The following EXOC5 variants were observed in gnomAD, a reference collection of about 807,000 sequenced individuals.
EXOC5 encodes exocyst complex component 5, also known as SEC10-like 1.
In EXOC5, 17 loss-of-function variants were observed where a neutral mutation model predicts 90.8. The ratio of observed to expected loss-of-function variants is 0.19; its 90% CI spans 0.13 to 0.28. The LOEUF (loss-of-function observed/expected upper bound fraction) is 0.28. Among genes scored for constraint, EXOC5 ranks in the 10% least tolerant of loss-of-function variants. EXOC5 has a pLI of 1.00. For synonymous variants in EXOC5, 260 were observed against 270.0 expected (o/e 0.96, Z 0.36); for missense variants, 569 against 830.6 (o/e 0.69, Z 3.87).
chr14:57,242,697 G>T (rs955315745), intron 4 of EXOC5, among the ~76,000 whole-genome samples: 17 of 152,090 alleles, frequency 1.1e-4, no homozygotes, highest in African/African-American at 3.9e-4. Context: ...CTTTCCATTG[G>T]GAAGGTGATT....
intron 1 of EXOC5, among the ~76,000 whole-genome samples, chr14:57,267,176 G>A (rs1884694893): frequency 1.3e-5 from 2 of 152,122 alleles, no homozygotes. Context: ...ATGTCTCCCC[G>A]TTCTTGTGTC....
rs754206463 is a variant in EXOC5 at position 57,219,395 on chromosome 14, C to T, written c.1453G>A (p.Val485Ile). The change falls in exon 14 of 18, where the codon GTT (valine) becomes ATT (isoleucine). Residue 485 changes from valine to isoleucine, a missense_variant. Coordinates refer to ENST00000621441, the MANE Select transcript of EXOC5 (RefSeq NM_006544.4). ...SRNANLYFLD[V>I]VQQANTIFHL... Reference sequence around the variant, plus strand: ...AAAATAGTATTGGCCTGTTGCACAACGTCCAAAAAATAAAGATTTGCATTC... The same window carrying T: ...AAAATAGTATTGGCCTGTTGCACAATGTCCAAAAAATAAAGATTTGCATTC... 1.8e-5 allele frequency: 28 copies of T among 1,562,270 alleles called. No homozygotes were observed. Among genetic ancestry groups the T allele is most frequent in the East Asian group, 9.2e-5 (4 of 43,550 alleles).
chr14:57,227,674 T>C (rs187527371), intron 12 of EXOC5, among the ~76,000 whole-genome samples: 290 of 152,324 alleles, frequency 1.9e-3, no homozygotes, highest in African/African-American at 5.8e-3. Flanking sequence ...CATTTCCCTA[T>C]TAGTGAGACT....
At chr14:57,218,277 A>G (rs1326461672) in intron 14 of EXOC5, among the ~76,000 whole-genome samples, 3 of 152,076 alleles carry the variant, frequency 2.0e-5, no homozygotes, top group Admixed American at 1.3e-4. Context: ...TAGACTAAAA[A>G]CAACCGATTA....
chr14:57,243,957 AG>A (rs1191746147), intron 4 of EXOC5, among the ~76,000 whole-genome samples: 1 of 152,236 alleles, frequency 6.6e-6, no homozygotes, highest in African/African-American at 2.4e-5. Flanking sequence ...AAAAAATGCC[AG>A]GAAACCCAAT....
Position 57,202,944 on chromosome 14 carries a change from A to G in EXOC5, c.*5665T>C, listed in dbSNP as rs1443078881. ...ACTGGAGAACTTAAGAGAGGCACTT[A>G]GGTATTATTCCTTATAAAATATTTT... On this transcript the variant is annotated 3_prime_UTR_variant, in exon 18 of 18. Transcript: ENST00000621441. 3 of 152,324 alleles carry G rather than the reference A, an allele frequency of 2.0e-5. No homozygotes were observed. The East Asian group carries it at 5.8e-4, about 29-fold the overall frequency. The allele number at this position is 152,324 out of a possible 1,614,324, so 9.4% of individuals were successfully genotyped here. A position where few individuals can be genotyped will look rare whatever the true frequency, so the allele number is the denominator to read the frequency against.
At chr14:57,238,373 TATACACACACAC>T (rs1357892202) in intron 5 of EXOC5, among the ~76,000 whole-genome samples, 7 of 79,914 alleles carry the variant, frequency 8.8e-5, no homozygotes, top group Non-Finnish European at 1.8e-4. Flanking sequence ...TATATATATA[TATACACACACAC>T]ACACACACAC....
intron 12 of EXOC5, among the ~76,000 whole-genome samples, chr14:57,227,537 A>C (rs1883346105): frequency 6.6e-6 from 1 of 152,160 alleles, no homozygotes; most frequent in African/African-American, 2.4e-5. Flanking sequence ...CTGCCAAATT[A>C]ATCCTCAAAA....
At chr14:57,224,336 C>T (rs1883239855) in intron 12 of EXOC5, among the ~76,000 whole-genome samples, 1 of 151,734 alleles carries the variant, frequency 6.6e-6, no homozygotes, top group South Asian at 2.1e-4. Flanking sequence ...AAATCTCTAG[C>T]CAGATTGATC....
intron 15 of EXOC5, among the ~76,000 whole-genome samples, chr14:57,212,562 G>A (rs1882861102): frequency 6.6e-6 from 1 of 152,192 alleles, no homozygotes; most frequent in Non-Finnish European, 1.5e-5. Context: ...CTTATCACCT[G>A]TATTGTCAGT....
intron 1 of EXOC5, among the ~76,000 whole-genome samples, chr14:57,259,331 T>C (rs368797606): frequency 6.6e-6 from 1 of 152,206 alleles, no homozygotes; most frequent in South Asian, 2.1e-4. Flanking sequence ...ACTGCTGGCC[T>C]CAAGTGATCT....
intron 1 of EXOC5, among the ~76,000 whole-genome samples, chr14:57,264,806 A>T (rs1324176406): frequency 6.6e-6 from 1 of 152,094 alleles, no homozygotes; most frequent in Non-Finnish European, 1.5e-5. Context: ...TCCTCTCAAC[A>T]CCTATGGCAC....
At chr14:57,236,288 T>A (rs1407359859) in intron 6 of EXOC5, among the ~76,000 whole-genome samples, 5 of 122,626 alleles carry the variant, frequency 4.1e-5, no homozygotes, top group South Asian at 2.3e-4. Context: ...TTTCATTTTC[T>A]TTTTTTTTTT....
chr14:57,247,731 C>T lies in EXOC5; in HGVS notation c.28-19G>A, dbSNP rs780710540. ...AAGGCTCCTAGTTTACAAAAAAATA[C>T]GCTTTAACAAAGTTTCATATACAAG... On this transcript the variant is annotated intron_variant, in intron 1 of 17. Coordinates refer to ENST00000621441, the MANE Select transcript of EXOC5 (RefSeq NM_006544.4). 1.9e-5 allele frequency: 26 copies of T among 1,363,484 alleles called. No homozygotes were observed. Among genetic ancestry groups the T allele is most frequent in the South Asian group, 7.1e-5 (5 of 70,186 alleles). The allele number at this position is 1,363,484 out of a possible 1,614,324, so 84.5% of individuals were successfully genotyped here.
At chr14:57,236,388 C>T (rs1198339253) in intron 6 of EXOC5, among the ~76,000 whole-genome samples, 1 of 150,498 alleles carries the variant, frequency 6.6e-6, no homozygotes, top group East Asian at 1.9e-4. Context: ...TGGGTTCAAG[C>T]GATTCTCCTG....
At chr14:57,233,082 T>G (rs75689312) in intron 9 of EXOC5, 163 of 173,162 alleles carry the variant, frequency 9.4e-4, no homozygotes, top group Non-Finnish European at 1.6e-3. Context: ...AGGCAGCATC[T>G]CCCAAACTGA....
At chr14:57,243,178 A>T (rs891396111) in intron 4 of EXOC5, 14 of 152,194 alleles carry the variant, frequency 9.2e-5, no homozygotes, top group Non-Finnish European at 1.9e-4. Context: ...GGTACACTAA[A>T]ATCTCAGAAT....
chr14:57,222,135 T>C (rs1385746945), intron 13 of EXOC5, among the ~76,000 whole-genome samples, 173 bp downstream of exon 13: 1 of 152,084 alleles, frequency 6.6e-6, no homozygotes. Flanking sequence ...GAGAGAACCA[T>C]TCAGTATAGC....
Position 57,205,443 on chromosome 14 carries a change from G to A in EXOC5, c.*3166C>T, listed in dbSNP as rs1414153125. The stretch of plus-strand genomic sequence containing the variant: ...TAAAAAAAGTTAATCTCCCAGATGT[G>A]AGCTTTGTTAGTCACCAACAAATTA... On this transcript the variant is annotated 3_prime_UTR_variant, in exon 18 of 18. Transcript: ENST00000621441. 6.4e-6 allele frequency: 1 copy of A among 157,218 alleles called. No individual in the cohort carries two copies. The highest frequency in any genetic ancestry group is 2.4e-5 in the African/African-American group (1 of 41,462). 9.7% of individuals were successfully genotyped at this position (157,218 alleles called of 1,614,324 possible).
Sources: gnomAD v4.1 joint callset for allele counts (sites outside exome capture counted in the v4.1 genomes callset) on GRCh38, gnomAD v4.1.1 for gene constraint, MANE v1.5 for transcripts, NCBI Gene and HGNC (gene_info 2026-07-23, HGNC 2026-07-21) for gene names.